The following DOK7 variants were observed in gnomAD, a reference collection of about 807,000 sequenced individuals.
DOK7 encodes protein Dok-7.
Under a neutral mutation model 30.7 loss-of-function variants are expected in DOK7, and 32 were observed. The observed-to-expected ratio is 1.04, with a 90% CI of 0.79 to 1.40. DOK7 has a LOEUF of 1.40. DOK7 is among the 40% of genes most tolerant of loss of function. The pLI is 0.00. For synonymous variants in DOK7, 447 were observed against 324.1 expected (o/e 1.38, Z -4.07); for missense variants, 1,007 against 699.2 (o/e 1.44, Z -4.97).
chr4:3,471,545 C>T (rs867225760), intron 2 of DOK7, among the ~76,000 whole-genome samples: 3 of 152,268 alleles, frequency 2.0e-5, no homozygotes, highest in Non-Finnish European at 2.9e-5. Context: ...GTGGAGACTG[C>T]GGGCTGTCCT....
chr4:3,468,895 G>A (rs544244774), intron 2 of DOK7, among the ~76,000 whole-genome samples: 2 of 143,044 alleles, frequency 1.4e-5, no homozygotes, highest in Admixed American at 1.4e-4. Context: ...GCCTGTGTAT[G>A]TGTGCATGTC....
intron 4 of DOK7, among the ~76,000 whole-genome samples, chr4:3,479,051 G>C (rs915888140): frequency 2.0e-5 from 3 of 152,220 alleles, no homozygotes; most frequent in African/African-American, 2.4e-5. Flanking sequence ...CAAGTGTCCA[G>C]AACGGGTTCC....
chr4:3,476,435 G>C lies in DOK7; in HGVS notation c.425G>C (p.Arg142Thr), dbSNP rs1333524953. The change falls in exon 4 of 7, where the codon AGG (arginine) becomes ACG (threonine). Residue 142 changes from arginine (R) to threonine (T), a missense_variant. By Grantham distance (71) the Arg-to-Thr change is moderately conservative (BLOSUM62 -1). Transcript: ENST00000340083. Reference protein sequence around the residue: ...HLCNDVLVLARDIPPAVTGQW... With the variant: ...HLCNDVLVLATDIPPAVTGQW... ...TGCAATGATGTCCTCGTCTTGGCCAGGGACATCCCCCCGGCTGTCACGGGG... is the reference window on the plus strand; with the variant it reads ...TGCAATGATGTCCTCGTCTTGGCCACGGACATCCCCCCGGCTGTCACGGGG... 6.2e-7 allele frequency: 1 copy of C among 1,613,510 alleles called. No individual in the cohort carries two copies. The highest frequency in any genetic ancestry group is 8.5e-7 in the Non-Finnish European group (1 of 1,180,030).
At chr4:3,491,198 C>T in intron 6 of DOK7, among the ~76,000 whole-genome samples, 1 of 28,186 alleles carries the variant, frequency 3.5e-5, no homozygotes, top group Non-Finnish European at 7.9e-5. Context: ...CCTGCTCATT[C>T]CTTCCCCCCT....
At chr4:3,501,114 G>A (rs1729165219) in exon 8 of DOK7, 2 of 483,258 alleles carry the variant, frequency 4.1e-6, no homozygotes, top group African/African-American at 4.0e-5. Context: ...TCTGGTAGCT[G>A]CTGTGGCATC....
In DOK7 at chr4:3,493,155, C is replaced by T. The variant is rs1418197383; in HGVS notation, c.1169C>T (p.Pro390Leu). The T allele has an allele frequency of 1.1e-5, 17 of 1,605,234 alleles. No homozygotes were observed. The highest frequency in any genetic ancestry group is 1.4e-5 in the Non-Finnish European group (17 of 1,177,368). ...APEPSLCTCLPGTVEYQVPTS... is the reference protein window; with the variant it reads ...APEPSLCTCLLGTVEYQVPTS... Reference sequence around the variant, plus strand: ...GAGCCCAGCCTGTGCACCTGCCTGCCCGGGACAGTCGAGTACCAGGTGCCC... The same window carrying T: ...GAGCCCAGCCTGTGCACCTGCCTGCTCGGGACAGTCGAGTACCAGGTGCCC... Residue 390 changes from proline to leucine, a missense_variant, in exon 7 of 7, where the codon CCC (proline) becomes CTC (leucine). Transcript: ENST00000340083.
chr4:3,472,989 G>T (rs1376753616), intron 2 of DOK7, among the ~76,000 whole-genome samples: 1 of 152,220 alleles, frequency 6.6e-6, no homozygotes, highest in African/African-American at 2.4e-5. Context: ...CAGGATAGGA[G>T]CGGACTGGCA....
chr4:3,490,111 CATTCAT>C (rs1728136639), intron 6 of DOK7, among the ~76,000 whole-genome samples: 1 of 23,776 alleles, frequency 4.2e-5, no homozygotes, highest in African/African-American at 2.4e-4. Context: ...TCTTCACCCC[CATTCAT>C]TCCTTTTCTC....
At chr4:3,496,880 G>A, downstream of DOK7, 1 of 1,528,212 alleles carries the variant, frequency 6.5e-7, no homozygotes, top group Non-Finnish European at 8.8e-7. Context: ...CCTGGAGCCA[G>A]TCCCCCAGAG....
intron 3 of DOK7, among the ~76,000 whole-genome samples, chr4:3,473,957 T>A (rs1466578070): frequency 6.8e-6 from 1 of 147,050 alleles, no homozygotes; most frequent in Non-Finnish European, 1.5e-5. Context: ...CACTGGACAG[T>A]GGAGCCCAGA....
chr4:3,489,311 G>A (rs1046468790), intron 5 of DOK7, among the ~76,000 whole-genome samples: 3 of 152,112 alleles, frequency 2.0e-5, no homozygotes, highest in Non-Finnish European at 2.9e-5. Flanking sequence ...CTCTTGCAGC[G>A]AGGCCGGCCC....
In DOK7 at chr4:3,484,402, C is replaced by T. The variant is rs181099039; in HGVS notation, c.533-1137C>T. 6.8e-3 allele frequency: 4,885 copies of T among 714,068 alleles called. 24 individuals carry two copies. Among genetic ancestry groups the T allele is most frequent in the Non-Finnish European group, 8.0e-3 (4,633 of 582,212 alleles). 44.2% of individuals were successfully genotyped at this position (714,068 alleles called of 1,614,324 possible). On this transcript the variant is annotated intron_variant, in intron 4 of 6. Transcript: ENST00000340083. ...GGGTTCTAATGCCGAGATTTCCCTT[C>T]CCCCCAACTCCTGCCCACCCCGGCG...
At chr4:3,468,933 G>GTGTGTGCC (rs1726552348) in intron 2 of DOK7, among the ~76,000 whole-genome samples, 1 of 140,378 alleles carries the variant, frequency 7.1e-6, no homozygotes, top group Admixed American at 6.8e-5. Flanking sequence ...ATGAGTGTGC[G>GTGTGTGCC]TGCTTTTGTG....
rs1728713181 is a variant in DOK7, at chr4:3,493,754, C to A, written c.*253C>A. 3.6e-6 allele frequency: 5 copies of A among 1,406,428 alleles called. No individual in the cohort carries two copies. The South Asian group carries it at 7.9e-5, about 22-fold the overall frequency. 87.1% of individuals were successfully genotyped at this position (1,406,428 alleles called of 1,614,324 possible). On this transcript the variant is annotated 3_prime_UTR_variant, in exon 7 of 7. Transcript: ENST00000340083. ...GGGTCACCAGAGCCCCAATGCTCAG[C>A]TGCTTCACTCCGTGTCCCCCACCCC...
At chr4:3,490,622 C>CTTCCTCTGCTCCCCCCTGCTCGTTCA (rs1728280747) in intron 6 of DOK7, among the ~76,000 whole-genome samples, 1 of 112,120 alleles carries the variant, frequency 8.9e-6, no homozygotes, top group African/African-American at 3.3e-5. Flanking sequence ...TCGTTCATTC[C>CTTCCTCTGCTCCCCCCTGCTCGTTCA]TTCCCTCTCC....
At chr4:3,496,672 G>A (rs144225879), downstream of DOK7, 264 of 779,848 alleles carry the variant, frequency 3.4e-4, no homozygotes, top group African/African-American at 4.4e-3. Flanking sequence ...AAGGCATCAG[G>A]TATGGCGGGC....
At chr4:3,480,239 G>C (rs956295723) in intron 4 of DOK7, among the ~76,000 whole-genome samples, 2 of 152,230 alleles carry the variant, frequency 1.3e-5, no homozygotes, top group Non-Finnish European at 2.9e-5. Flanking sequence ...TCCAGTCCAA[G>C]GACCATATCT....
chr4:3,494,082 G>T lies in DOK7; in HGVS notation c.*581G>T. ...GGCTGTGTGGCTTGCGGGGTCTCTG[G>T]GTTCTGGGCCCCACTGTTCCCCAGT... is the stretch of plus-strand genomic sequence containing the variant. On this transcript the variant is annotated 3_prime_UTR_variant, in exon 7 of 7. Transcript: ENST00000340083. 2.0e-6 allele frequency: 2 copies of T among 986,716 alleles called. No homozygotes were observed. Among genetic ancestry groups the T allele is most frequent in the Non-Finnish European group, 1.2e-6 (1 of 830,912 alleles). 61.1% of individuals were successfully genotyped at this position (986,716 alleles called of 1,614,324 possible).
chr4:3,485,905 TGGAAC>T (rs1727751768), intron 5 of DOK7, among the ~76,000 whole-genome samples: 1 of 152,108 alleles, frequency 6.6e-6, no homozygotes, highest in Non-Finnish European at 1.5e-5. Flanking sequence ...TCCGAGCTGT[TGGAAC>T]GCTTGGCCCT....
Sources: gnomAD v4.1 joint callset for allele counts (sites outside exome capture counted in the v4.1 genomes callset) on GRCh38, gnomAD v4.1.1 for gene constraint, MANE v1.5 for transcripts, NCBI Gene and HGNC (gene_info 2026-07-23, HGNC 2026-07-21) for gene names.